The following ALKBH1 variants were observed in gnomAD, a reference collection of about 807,000 sequenced individuals.
The protein encoded by ALKBH1 is nucleic acid dioxygenase ALKBH1.
In ALKBH1, 31 loss-of-function variants were observed where a neutral mutation model predicts 36.6. The observed-to-expected ratio is 0.85, with a 90% confidence interval of 0.64 to 1.14. The LOEUF (loss-of-function observed/expected upper bound fraction) is 1.14. ALKBH1 is among the 50% of genes most tolerant of loss of function. The probability of loss-of-function intolerance (pLI) is 0.00; values close to 1 mark genes in which losing one functional copy is unlikely to be tolerated. For missense variants in ALKBH1, 490 were observed against 497.3 expected, an observed-to-expected ratio of 0.99 and a Z score of 0.14; for synonymous variants, 183 against 186.6, an observed-to-expected ratio of 0.98 and a Z score of 0.16.
Position 77,682,427 on chromosome 14 carries a change from T to C in ALKBH1, c.456-2457A>G, listed in dbSNP as rs942849551. ...GTTCCAGAGTTACATAAGCACCTTA[T>C]AGAGGTGATCCATTCTATTTCTCTT... On this transcript the variant is annotated intron_variant, in intron 3 of 5. Coordinates refer to ENST00000216489, the MANE Select transcript of ALKBH1 (RefSeq NM_006020.3). 3.3e-5 allele frequency among the ~76,000 whole-genome samples: 5 copies of C among 152,220 alleles called. 1 individual carries two copies. Among genetic ancestry groups the C allele is most frequent in the African/African-American group, 4.8e-5 (2 of 41,464 alleles).
intron 5 of ALKBH1, among the ~76,000 whole-genome samples, chr14:77,674,459 C>A (rs187078551): frequency 3.5e-4 from 53 of 152,180 alleles, no homozygotes; most frequent in African/African-American, 1.2e-3. Context: ...TTATGACAGC[C>A]CACAGAACTG....
chr14:77,679,884 C>G lies in ALKBH1; in HGVS notation c.542G>C (p.Ser181Thr), dbSNP rs1246933097. 2 of 1,613,424 alleles carry G rather than the reference C, an allele frequency of 1.2e-6. No homozygotes were observed. The highest frequency in any genetic ancestry group is 1.1e-5 in the South Asian group (1 of 91,074). ...GAATTAAGAAAACCTGAATACCTTA[C>G]TGTCCCAGTTATAATGGTAGCCTAC... Reference protein sequence around the residue: ...VTVGYHYNWDSKKYSADHYTP... With the variant: ...VTVGYHYNWDTKKYSADHYTP... Residue 181 changes from serine (S) to threonine (T), a missense_variant, in exon 4 of 6, where the codon AGT (serine) becomes ACT (threonine). Coordinates refer to ENST00000216489, the MANE Select transcript of ALKBH1 (RefSeq NM_006020.3).
intron 4 of ALKBH1, among the ~76,000 whole-genome samples, 196 bp from the exon 5 acceptor site, chr14:77,676,045 A>G (rs908867037): frequency 1.3e-5 from 2 of 150,508 alleles, no homozygotes; most frequent in African/African-American, 2.5e-5. Flanking sequence ...TGCCCAGGCT[A>G]AAGTCCAGTG....
chr14:77,673,695 G>A lies in ALKBH1; in HGVS notation c.*117C>T. 9.3e-7 allele frequency: 1 copy of A among 1,078,416 alleles called. No homozygotes were observed. The highest frequency in any genetic ancestry group is 1.3e-6 in the Non-Finnish European group (1 of 741,504). 66.8% of individuals were successfully genotyped at this position (1,078,416 alleles called of 1,614,324 possible). On this transcript the variant is annotated 3_prime_UTR_variant, in exon 6 of 6. Coordinates refer to ENST00000216489, the MANE Select transcript of ALKBH1 (RefSeq NM_006020.3). Reference sequence around the variant, plus strand: ...AAGGCAACAGTGTGATCAACAATGAGTTCTTCCCTGTCTCTGTTTTTGGCT... The same window carrying A: ...AAGGCAACAGTGTGATCAACAATGAATTCTTCCCTGTCTCTGTTTTTGGCT...
intron 1 of ALKBH1, among the ~76,000 whole-genome samples, chr14:77,707,585 C>G (rs2139871443): frequency 6.6e-6 from 1 of 152,260 alleles, no homozygotes; most frequent in South Asian, 2.1e-4. Context: ...ACACGGATTC[C>G]CAGGCTCTTT....
At chr14:77,699,295 G>A (rs1488710032) in intron 2 of ALKBH1, among the ~76,000 whole-genome samples, 1 of 152,224 alleles carries the variant, frequency 6.6e-6, no homozygotes, top group African/African-American at 2.4e-5. Context: ...ACTGAGCCGA[G>A]AGCCTAAAAC....
rs2080196542 is a variant in ALKBH1, at chr14:77,674,879, A to C, written c.741-638T>G. Among the ~76,000 whole-genome samples, 3 of 152,150 alleles carry C rather than the reference A, an allele frequency of 2.0e-5. No individual in the cohort carries two copies. The South Asian group carries it at 6.2e-4, about 31-fold the overall frequency. ...TTGATGTGTCTTTGAGTCTTTCAAT[A>C]AAATCATTTGAGTTCTTTACTATGT... On this transcript the variant is annotated intron_variant, in intron 5 of 5. Coordinates refer to ENST00000216489, the MANE Select transcript of ALKBH1 (RefSeq NM_006020.3).
rs142268103 is a variant in ALKBH1 at position 77,699,836 on chromosome 14, C to T, written c.292+4533G>A. 6.2e-3 allele frequency among the ~76,000 whole-genome samples: 944 copies of T among 152,152 alleles called. 12 individuals are homozygous for T. Among genetic ancestry groups the T allele is most frequent in the Non-Finnish European group, 7.0e-3 (478 of 68,004 alleles). On this transcript the variant is annotated intron_variant, in intron 2 of 5. Coordinates refer to ENST00000216489, the MANE Select transcript of ALKBH1 (RefSeq NM_006020.3). ...TTTGGGAGGCAAGGAGGGCGGATCA[C>T]GAGGTCAGGAGATCAAGACCATCCT...
intron 3 of ALKBH1, among the ~76,000 whole-genome samples, chr14:77,693,224 A>AAAAAC (rs369220185): frequency 8.7e-5 from 11 of 126,436 alleles, no homozygotes; most frequent in Non-Finnish European, 1.3e-4. Flanking sequence ...AAAAAAAAAA[A>AAAAAC]TTTTTTTTCA....
At chr14:77,693,739 G>A (rs61992921) in intron 3 of ALKBH1, among the ~76,000 whole-genome samples, 18,706 of 152,084 alleles carry the variant, frequency 0.12, 1,478 homozygotes, top group African/African-American at 0.22. Flanking sequence ...TGTAGTCTCA[G>A]CACTTTGGGA....
intron 3 of ALKBH1, among the ~76,000 whole-genome samples, chr14:77,686,593 G>A (rs945795374): frequency 2.6e-5 from 4 of 152,110 alleles, no homozygotes; most frequent in South Asian, 2.1e-4. Context: ...ATGGGTAAGC[G>A]CCTTATGTAA....
chr14:77,707,753 A>C (rs1170392035), intron 1 of ALKBH1, 69 bp downstream of exon 1: 14 of 1,508,078 alleles, frequency 9.3e-6, no homozygotes, highest in Non-Finnish European at 1.2e-5. Flanking sequence ...GAGGCGAAGA[A>C]GACACGTAAG....
Position 77,673,560 on chromosome 14 carries a change from C to A in ALKBH1, c.*252G>T. 2 of 466,554 alleles carry A rather than the reference C, an allele frequency of 4.3e-6. No individual in the cohort carries two copies. Among genetic ancestry groups the A allele is most frequent in the African/African-American group, 1.9e-5 (1 of 51,626 alleles). 28.9% of individuals were successfully genotyped at this position (466,554 alleles called of 1,614,324 possible). A position where few individuals can be genotyped will look rare whatever the true frequency, so the allele number is the denominator to read the frequency against. On this transcript the variant is annotated 3_prime_UTR_variant, in exon 6 of 6. Transcript: ENST00000216489. ...AGAAGGCTGTTGTGGAAGAACATACCTCCTTGGACTGACTTCTCAACATAC... is the reference window on the plus strand; with the variant it reads ...AGAAGGCTGTTGTGGAAGAACATACATCCTTGGACTGACTTCTCAACATAC...
chr14:77,693,930 T>A (rs2080312400), intron 3 of ALKBH1, among the ~76,000 whole-genome samples: 1 of 152,130 alleles, frequency 6.6e-6, no homozygotes. Context: ...GAGGTTGCAG[T>A]GAGCTGAGAT....
intron 3 of ALKBH1, among the ~76,000 whole-genome samples, chr14:77,685,342 C>T (rs960983418): frequency 6.6e-6 from 1 of 151,690 alleles, no homozygotes; most frequent in African/African-American, 2.4e-5. Context: ...ACTCAGGAAG[C>T]TGAGGTACAA....
At chr14:77,699,722 A>T (rs564131259) in intron 2 of ALKBH1, among the ~76,000 whole-genome samples, 1 of 152,300 alleles carries the variant, frequency 6.6e-6, no homozygotes, top group South Asian at 2.1e-4. Context: ...AAAACCAGTA[A>T]GCCCACATAA....
intron 3 of ALKBH1, among the ~76,000 whole-genome samples, chr14:77,682,394 T>A (rs1050267655): frequency 2.6e-5 from 4 of 152,160 alleles, no homozygotes; most frequent in African/African-American, 9.7e-5. Flanking sequence ...AATGGAAATA[T>A]AAACGTAGTT....
At chr14:77,703,317 G>A (rs1483300983) in intron 2 of ALKBH1, among the ~76,000 whole-genome samples, 2 of 145,876 alleles carry the variant, frequency 1.4e-5, no homozygotes, top group Non-Finnish European at 3.0e-5. Context: ...TTTTTGAGAT[G>A]GAGTCTTGCT....
chr14:77,692,202 T>A (rs2080300973), intron 3 of ALKBH1, among the ~76,000 whole-genome samples: 1 of 152,168 alleles, frequency 6.6e-6, no homozygotes, highest in South Asian at 2.1e-4. Context: ...TACTATTCAA[T>A]AAGGAAAGAA....
Sources: allele counts gnomAD v4.1 joint callset (sites outside exome capture counted in the v4.1 genomes callset), GRCh38; gene constraint gnomAD v4.1.1; transcripts MANE v1.5; gene names NCBI Gene and HGNC (gene_info 2026-07-23, HGNC 2026-07-21).